Variants in PALLD observed in about 807,000 individuals in gnomAD.
The protein encoded by PALLD is palladin.
PALLD carries 61 observed loss-of-function variants against 123.5 expected under a neutral mutation model. That is an observed-to-expected ratio of 0.49 (90% CI 0.40 to 0.61). The LOEUF is 0.61. Among genes scored for constraint, PALLD ranks in the 20% least tolerant of loss-of-function variants. PALLD has a pLI of 0.00. For missense variants in PALLD, 1,273 were observed against 1,377.0 expected, an observed-to-expected ratio of 0.92 and a Z score of 1.20; for synonymous variants, 465 against 496.4, an observed-to-expected ratio of 0.94 and a Z score of 0.84.
chr4:168,547,086 C>T (rs1372991584), intron 2 of PALLD, among the ~76,000 whole-genome samples: 1 of 152,080 alleles, frequency 6.6e-6, no homozygotes, highest in Non-Finnish European at 1.5e-5. Flanking sequence ...TCTGTTACCC[C>T]TTGTCTCAGC....
intron 10 of PALLD, among the ~76,000 whole-genome samples, chr4:168,788,311 T>C (rs2150586349): frequency 1.3e-5 from 2 of 152,274 alleles, no homozygotes; most frequent in South Asian, 4.1e-4. Flanking sequence ...TCTTTGTGTT[T>C]AGAGGCAGCA....
chr4:168,648,660 G>A (rs1196696901), intron 2 of PALLD: 1 of 152,164 alleles, frequency 6.6e-6, no homozygotes. Context: ...TTCTTCTTAT[G>A]TGCTGATATC....
chr4:168,737,786 G>A (rs1561465032), intron 10 of PALLD, among the ~76,000 whole-genome samples: 1 of 152,122 alleles, frequency 6.6e-6, no homozygotes, highest in Non-Finnish European at 1.5e-5. Flanking sequence ...GAAATAATTC[G>A]GCCCATACCT....
At position 168,634,576 on chromosome 4, in the gene PALLD, G is replaced by T. The variant is rs190533825; in HGVS notation, c.909-33614G>T. 5.3e-3 allele frequency among the ~76,000 whole-genome samples: 801 copies of T among 152,308 alleles called. 7 individuals carry two copies. The highest frequency in any genetic ancestry group is 0.018 in the African/African-American group (731 of 41,550). Reference sequence around the variant, plus strand: ...AGAACCTTTTCAAAGCTTTGCTGGGGTCTGTGTGCCTGAGCGAGGGGAGTG... The same window carrying T: ...AGAACCTTTTCAAAGCTTTGCTGGGTTCTGTGTGCCTGAGCGAGGGGAGTG... On this transcript the variant is annotated intron_variant, in intron 2 of 21. Coordinates refer to ENST00000505667, the MANE Select transcript of PALLD (RefSeq NM_001166108.2).
chr4:168,877,183 A>G (rs1751860504), intron 10 of PALLD, among the ~76,000 whole-genome samples: 1 of 152,230 alleles, frequency 6.6e-6, no homozygotes, highest in African/African-American at 2.4e-5. Flanking sequence ...GGACAAATGT[A>G]GAGATTAAAG....
At chr4:168,584,868 G>A (rs1770652758) in intron 2 of PALLD, among the ~76,000 whole-genome samples, 2 of 152,038 alleles carry the variant, frequency 1.3e-5, no homozygotes, top group Admixed American at 6.6e-5. Context: ...ATTTATTCTA[G>A]GCCAATGGTG....
chr4:168,539,834 C>A (rs1216749369), intron 2 of PALLD, among the ~76,000 whole-genome samples: 2 of 151,898 alleles, frequency 1.3e-5, no homozygotes, highest in Admixed American at 1.3e-4. Flanking sequence ...CTTTTAGATT[C>A]AGGGGGTACA....
At chr4:168,536,002 G>A (rs1479784719) in intron 2 of PALLD, among the ~76,000 whole-genome samples, 1 of 152,190 alleles carries the variant, frequency 6.6e-6, no homozygotes, top group East Asian at 1.9e-4. Context: ...AGACTTCACT[G>A]AATACATTTT....
At chr4:168,809,650 G>A (rs532485277) in intron 10 of PALLD, among the ~76,000 whole-genome samples, 80 of 152,212 alleles carry the variant, frequency 5.3e-4, no homozygotes, top group African/African-American at 1.9e-3. Flanking sequence ...ATCACTTGAG[G>A]TCCAGAAGTT....
chr4:168,541,768 A>G (rs574046666), intron 2 of PALLD, among the ~76,000 whole-genome samples: 1 of 152,256 alleles, frequency 6.6e-6, no homozygotes, highest in East Asian at 1.9e-4. Context: ...TACTCATTTT[A>G]TAATAGATCC....
chr4:168,923,510 A>G (rs1761985006), intron 18 of PALLD, among the ~76,000 whole-genome samples: 1 of 152,080 alleles, frequency 6.6e-6, no homozygotes, highest in Non-Finnish European at 1.5e-5. Flanking sequence ...CAAGAAAACA[A>G]TTTCCCATTG....
Position 168,753,719 on chromosome 4 carries a change from G to T in PALLD, c.1964+41796G>T, listed in dbSNP as rs564088842. Among the ~76,000 whole-genome samples the T allele has an allele frequency of 5.3e-5, 8 of 152,162 alleles. No homozygotes were observed. The East Asian group carries it at 1.4e-3, about 26-fold the overall frequency. On this transcript the variant is annotated intron_variant, in intron 10 of 21. Transcript: ENST00000505667. ...GAGGCCCATGCAGATAGGAACTGGG[G>T]CCTCCCAGTGACGACCAGCACCAAC...
chr4:168,925,467 A>T, intron 21 of PALLD, 189 bp downstream of exon 21: 1 of 610,790 alleles, frequency 1.6e-6, no homozygotes. Flanking sequence ...TTCTTCCTAT[A>T]TTCTATCGCA....
At chr4:168,678,680 C>G (rs755421917) in intron 3 of PALLD, among the ~76,000 whole-genome samples, 3 of 152,014 alleles carry the variant, frequency 2.0e-5, no homozygotes, top group African/African-American at 4.8e-5. Flanking sequence ...CATCACAGCC[C>G]GTGCCCCTCC....
chr4:168,721,541 G>A (rs1201863259), intron 10 of PALLD, among the ~76,000 whole-genome samples: 1 of 152,158 alleles, frequency 6.6e-6, no homozygotes, highest in East Asian at 1.9e-4. Flanking sequence ...GGTTCTTTGA[G>A]TGCTGGAAAT....
At chr4:168,768,789 C>T (rs1438126078) in intron 10 of PALLD, among the ~76,000 whole-genome samples, 4 of 152,150 alleles carry the variant, frequency 2.6e-5, no homozygotes, top group Non-Finnish European at 5.9e-5. Flanking sequence ...TCCCATGCCA[C>T]AGCCTCCTGA....
chr4:168,549,776 C>T (rs985499225), intron 2 of PALLD, among the ~76,000 whole-genome samples: 6 of 126,420 alleles, frequency 4.7e-5, no homozygotes, highest in African/African-American at 1.5e-4. Context: ...GAACAAGAAC[C>T]ACAAAAAAAA....
At chr4:168,788,675 C>G (rs1002056461) in intron 10 of PALLD, among the ~76,000 whole-genome samples, 3 of 152,206 alleles carry the variant, frequency 2.0e-5, no homozygotes, top group Admixed American at 2.0e-4. Flanking sequence ...CAGCGTACCA[C>G]TCTGGTGAGA....
chr4:168,894,866 C>A, intron 12 of PALLD, 189 bp downstream of exon 12: 1 of 856,472 alleles, frequency 1.2e-6, no homozygotes, highest in Non-Finnish European at 1.8e-6. Context: ...AAGTGACTGA[C>A]AGAATTCTTT....
Sources: allele counts gnomAD v4.1 joint callset (sites outside exome capture counted in the v4.1 genomes callset), GRCh38; gene constraint gnomAD v4.1.1; transcripts MANE v1.5; gene names NCBI Gene and HGNC (gene_info 2026-07-23, HGNC 2026-07-21).